Variants in SRPK2 observed in about 807,000 individuals in gnomAD.
SRPK2 encodes the protein SRSF protein kinase 2, also known as SFRS protein kinase 2.
In SRPK2, 21 loss-of-function variants were observed where a neutral mutation model predicts 90.8. The observed-to-expected ratio is 0.23, with a 90% confidence interval of 0.16 to 0.33. The LOEUF (loss-of-function observed/expected upper bound fraction) is 0.33. Ranked by LOEUF, SRPK2 falls within the 10% of genes least tolerant of loss-of-function variation. The pLI, the probability that SRPK2 is intolerant of heterozygous loss-of-function variation, is 1.00. For missense variants in SRPK2, 620 were observed against 869.0 expected (o/e 0.71, Z 3.60); for synonymous variants, 288 against 311.1 (o/e 0.93, Z 0.78).
intron 6 of SRPK2, among the ~76,000 whole-genome samples, chr7:105,163,567 G>A (rs1284568898): frequency 6.6e-6 from 1 of 152,108 alleles, no homozygotes. Context: ...AGCTGAGGCG[G>A]GCAGATCACC....
chr7:105,145,333 G>C, intron 8 of SRPK2, 25 bp from the exon 9 acceptor site: 1 of 1,559,258 alleles, frequency 6.4e-7, no homozygotes, highest in Non-Finnish European at 8.7e-7. Flanking sequence ...AACAAAATCT[G>C]TATTTAGCAG....
intron 15 of SRPK2, among the ~76,000 whole-genome samples, chr7:105,121,708 G>A (rs1800408993): frequency 6.6e-6 from 1 of 152,228 alleles, no homozygotes; most frequent in African/African-American, 2.4e-5. Flanking sequence ...GGTTCCTCCT[G>A]CAGAGTAAAG....
intron 3 of SRPK2, among the ~76,000 whole-genome samples, chr7:105,197,766 T>A (rs1157777718): frequency 6.6e-6 from 1 of 152,316 alleles, no homozygotes; most frequent in Non-Finnish European, 1.5e-5. Context: ...AGAGGTCGAA[T>A]AAATGCATTT....
rs1399353074 is a variant in SRPK2, at chr7:105,170,797, G to A, written c.230-1532C>T. On this transcript the variant is annotated intron_variant, in intron 3 of 15. Coordinates refer to ENST00000393651, the MANE Select transcript of SRPK2 (RefSeq NM_182692.3). ...GAAGGAAGGACGGGAGGGAGGGAGG[G>A]AGGGAGGGAGAGAGAGAGGGAGAGA... Among the ~76,000 whole-genome samples the A allele has an allele frequency of 6.4e-3, 416 of 64,504 alleles. 1 individual carries two copies. The highest frequency in any genetic ancestry group is 0.011 in the Middle Eastern group (1 of 88). The allele number at this position is 64,504 out of a possible 152,430, so 42.3% of individuals were successfully genotyped here.
At chr7:105,244,854 C>A in intron 2 of SRPK2, 1 of 1,157,218 alleles carries the variant, frequency 8.6e-7, no homozygotes, top group Non-Finnish European at 1.3e-6. Context: ...CAAAGACAAA[C>A]GGGTCCTCAA....
At chr7:105,193,789 G>A (rs1156385719) in intron 3 of SRPK2, among the ~76,000 whole-genome samples, 2 of 152,136 alleles carry the variant, frequency 1.3e-5, no homozygotes, top group Non-Finnish European at 2.9e-5. Context: ...CCAATACAAA[G>A]AGGTAAAGAA....
chr7:105,347,550 G>C (rs1487389758), intron 2 of SRPK2, among the ~76,000 whole-genome samples: 3 of 152,028 alleles, frequency 2.0e-5, no homozygotes, highest in East Asian at 1.9e-4. Context: ...TGAGGGGGAG[G>C]GGGAGGAGGA....
intron 15 of SRPK2, among the ~76,000 whole-genome samples, chr7:105,119,339 C>G (rs978828482): frequency 6.6e-6 from 1 of 152,090 alleles, no homozygotes. Flanking sequence ...TTTAAAAACA[C>G]AATGAAAAGG....
At chr7:105,365,058 A>G (rs1818868896) in intron 2 of SRPK2, among the ~76,000 whole-genome samples, 1 of 152,186 alleles carries the variant, frequency 6.6e-6, no homozygotes. Context: ...CATTTGCACA[A>G]AAGAGTAGAG....
chr7:105,358,368 TAAAC>T (rs1336602993), intron 2 of SRPK2, among the ~76,000 whole-genome samples: 1 of 151,288 alleles, frequency 6.6e-6, no homozygotes, highest in African/African-American at 2.4e-5. Context: ...TAAAACAAGA[TAAAC>T]AAAAGAAAAC....
At chr7:105,373,373 G>A (rs1317311458) in intron 2 of SRPK2, among the ~76,000 whole-genome samples, 1 of 112,406 alleles carries the variant, frequency 8.9e-6, no homozygotes, top group African/African-American at 2.7e-5. Flanking sequence ...CCTTTACTTT[G>A]CCACAAAAAA....
chr7:105,388,735 G>A, intron 1 of SRPK2, 33 bp from the exon 2 acceptor site: 2 of 1,559,796 alleles, frequency 1.3e-6, no homozygotes, highest in Admixed American at 1.8e-5. Context: ...TAACGGTCGG[G>A]CCGCCCGCCC....
At chr7:105,295,730 G>T (rs1296438083) in intron 2 of SRPK2, among the ~76,000 whole-genome samples, 1 of 152,160 alleles carries the variant, frequency 6.6e-6, no homozygotes, top group Non-Finnish European at 1.5e-5. Flanking sequence ...TAATGCAACT[G>T]AACTGCACAC....
intron 3 of SRPK2, among the ~76,000 whole-genome samples, chr7:105,186,572 C>T (rs763376899): frequency 3.9e-5 from 6 of 152,160 alleles, no homozygotes; most frequent in Admixed American, 6.6e-5. Flanking sequence ...TGTATTCTGA[C>T]GGACTGTGTT....
chr7:105,169,760 A>G (rs1417124724), intron 3 of SRPK2, among the ~76,000 whole-genome samples: 1 of 152,196 alleles, frequency 6.6e-6, no homozygotes, highest in African/African-American at 2.4e-5. Flanking sequence ...GTTTTAATTT[A>G]ATTTAAAGAG....
intron 3 of SRPK2, among the ~76,000 whole-genome samples, chr7:105,192,974 T>A (rs1299864210): frequency 6.6e-6 from 1 of 152,216 alleles, no homozygotes. Flanking sequence ...GAAGATTTTC[T>A]CCTACGCTTT....
rs556379118 is a variant in SRPK2, at chr7:105,378,840, A to G, written c.71+9808T>C. Among the ~76,000 whole-genome samples the G allele has an allele frequency of 4.9e-4, 74 of 152,148 alleles. 1 individual carries two copies. The highest frequency in any genetic ancestry group is 1.7e-3 in the African/African-American group (72 of 41,554). On this transcript the variant is annotated intron_variant, in intron 2 of 15. Transcript: ENST00000393651. ...AAACCATAATGAAATATCAATACAC[A>G]CCCATAATAGGTAAAATTTATTACA...
chr7:105,258,059 G>A (rs1247412523), intron 2 of SRPK2, among the ~76,000 whole-genome samples: 11 of 150,210 alleles, frequency 7.3e-5, no homozygotes, highest in East Asian at 6.0e-4. Context: ...AGCCGAGATC[G>A]TGCCACTGCA....
intron 3 of SRPK2, among the ~76,000 whole-genome samples, chr7:105,173,970 TG>T (rs1285533406): frequency 1.4e-5 from 2 of 140,920 alleles, no homozygotes; most frequent in African/African-American, 5.3e-5. Context: ...CTTAGCCGGG[TG>T]CAGTGGCTCA....
Sources: allele counts gnomAD v4.1 joint callset (sites outside exome capture counted in the v4.1 genomes callset), GRCh38; gene constraint gnomAD v4.1.1; transcripts MANE v1.5; gene names NCBI Gene and HGNC (gene_info 2026-07-23, HGNC 2026-07-21).